Variants in B4GALT7 observed in about 807,000 individuals in gnomAD.
B4GALT7 encodes beta-1,4-galactosyltransferase 7, also known as UDP-Gal:beta-GlcNAc beta-1,4-galactosyltransferase 7.
B4GALT7 carries 30 observed loss-of-function variants against 33.0 expected under a neutral mutation model. The observed-to-expected ratio is 0.91, with a 90% CI of 0.68 to 1.23. The LOEUF is 1.23. B4GALT7 is among the 50% of genes most tolerant of loss of function. The pLI, the probability that B4GALT7 is intolerant of heterozygous loss-of-function variation, is 0.00. For synonymous variants in B4GALT7, 213 were observed against 187.2 expected (o/e 1.14, Z -1.13); for missense variants, 507 against 450.8 (o/e 1.12, Z -1.13).
Position 177,608,947 on chromosome 5 carries a change from CAT to C in B4GALT7, c.762_763del (p.Phe255SerfsTer5), listed in dbSNP as rs1383726308. ...TCGGGAATCACAACTGGGTACAAGACATTTCGCCACCTGCATGACCCAGCCTG... is the reference window on the plus strand; with the variant it reads ...TCGGGAATCACAACTGGGTACAAGACTTCGCCACCTGCATGACCCAGCCTG... On this transcript the variant is annotated frameshift_variant, in exon 5 of 6. Coordinates refer to ENST00000029410, the MANE Select transcript of B4GALT7 (RefSeq NM_007255.3). LOFTEE classifies it high-confidence loss of function. The surrounding 1 kb of genome is among the most constrained non-coding windows in gnomAD (Gnocchi z 4.1). 3.7e-6 allele frequency: 6 copies of C among 1,613,682 alleles called. No individual in the cohort carries two copies. In the East Asian group the frequency reaches 1.3e-4, roughly 36 times the overall value.
intron 1 of B4GALT7, chr5:177,603,950 C>T (rs1767905049): frequency 4.9e-6 from 3 of 607,222 alleles, no homozygotes; most frequent in Non-Finnish European, 8.7e-6. Flanking sequence ...GGGAGTGGTT[C>T]AGAGGGCTTC....
intron 1 of B4GALT7, chr5:177,603,962 C>A: frequency 1.5e-6 from 1 of 646,226 alleles, no homozygotes; most frequent in Non-Finnish European, 2.7e-6. Flanking sequence ...GAGGGCTTCC[C>A]GAGAGCGGGT....
At chr5:177,602,835 G>C (rs1872624) in intron 1 of B4GALT7, 409,711 of 977,488 alleles carry the variant, frequency 0.42, 86,865 homozygotes, top group Non-Finnish European at 0.42. Context: ...GCAAGGAACA[G>C]ATGAGTGAGG....
In B4GALT7 at chr5:177,600,309, C is replaced by G; in HGVS notation, c.50+49C>G. 7.8e-7 allele frequency: 1 copy of G among 1,282,962 alleles called. No individual in the cohort carries two copies. Among genetic ancestry groups the G allele is most frequent in the Non-Finnish European group, 9.9e-7 (1 of 1,009,002 alleles). 79.5% of individuals were successfully genotyped at this position (1,282,962 alleles called of 1,614,324 possible). A position where few individuals can be genotyped will look rare whatever the true frequency, so the allele number is the denominator to read the frequency against. ...GCCCCGTCCTCCCGGGCGCCGCTCC[C>G]TTCTCGGCCGCCGGCGGAATCTGGG... On this transcript the variant is annotated intron_variant, in intron 1 of 5. Transcript: ENST00000029410. The surrounding 1 kb of genome is among the most constrained non-coding windows in gnomAD (Gnocchi z 4.4).
At position 177,608,273 on chromosome 5, in the gene B4GALT7, G is replaced by A. The variant is rs73804374; in HGVS notation, c.640-266G>A. 1,211 of 518,830 alleles carry A rather than the reference G, an allele frequency of 2.3e-3. 11 individuals carry two copies. Among genetic ancestry groups the A allele is most frequent in the African/African-American group, 0.02 (1,018 of 52,064 alleles). The allele number at this position is 518,830 out of a possible 1,614,324, so 32.1% of individuals were successfully genotyped here. ...GTAGGAGCTGGCGCTTCTGCCCATC[G>A]ACAGTTCCCCACAGAGATCCCCTCT... On this transcript the variant is annotated intron_variant, in intron 3 of 5. Transcript: ENST00000029410. This position sits in a 1 kb window ranked among gnomAD's most constrained non-coding sequence, Gnocchi z 4.1.
chr5:177,607,243 T>A, intron 2 of B4GALT7, 59 bp from the exon 3 acceptor site: 1 of 1,487,570 alleles, frequency 6.7e-7, no homozygotes, highest in Non-Finnish European at 9.1e-7. Flanking sequence ...GGGTGGGTGC[T>A]GAGCCCCAGG....
rs2127511795 is a variant in B4GALT7 at position 177,604,551 on chromosome 5, G to C, written c.413+10G>C. The C allele has an allele frequency of 1.2e-6, 2 of 1,613,482 alleles. No homozygotes were observed. Reference sequence around the variant, plus strand: ...AGGTGGACCACTTCAGGTAGCGCCCGCCCCCACCCTCTCCCCTCGGCACCC... The same window carrying C: ...AGGTGGACCACTTCAGGTAGCGCCCCCCCCCACCCTCTCCCCTCGGCACCC... On this transcript the variant is annotated intron_variant, in intron 2 of 5. Coordinates refer to ENST00000029410, the MANE Select transcript of B4GALT7 (RefSeq NM_007255.3).
chr5:177,601,789 G>A lies in B4GALT7; in HGVS notation c.50+1529G>A, dbSNP rs571035698. On this transcript the variant is annotated intron_variant, in intron 1 of 5. Transcript: ENST00000029410. ...TGGGAGCCACTGGGACTGCAAATCT[G>A]GTTTGCCACCTGGTGGCACCAGGAA... Among the ~76,000 whole-genome samples the A allele has an allele frequency of 4.0e-5, 6 of 151,546 alleles. No homozygotes were observed. In the South Asian group the frequency reaches 1.2e-3, roughly 32 times the overall value.
At chr5:177,604,090 G>C in intron 1 of B4GALT7, 89 bp from the exon 2 acceptor site, 3 of 1,577,800 alleles carry the variant, frequency 1.9e-6, no homozygotes, top group Non-Finnish European at 2.6e-6. Context: ...CGAGTTATGT[G>C]CAGCCTCCTC....
In B4GALT7 at chr5:177,604,462, G is replaced by T. The variant is rs1237217428; in HGVS notation, c.334G>T (p.Val112Leu). The change falls in exon 2 of 6, where the codon GTG (valine) becomes TTG (leucine). Residue 112 changes from valine to leucine, a missense_variant. By Grantham distance (32) the Val-to-Leu change is conservative. Transcript: ENST00000029410. ...ACGCTTCGAGGAGCTCCTGGTCTTC[G>T]TGCCCCACATGCGCCGCTTCCTGAG... ...RERFEELLVF[V>L]PHMRRFLSRK... 1 of 1,613,924 alleles carries T rather than the reference G, an allele frequency of 6.2e-7. No individual in the cohort carries two copies. The highest frequency in any genetic ancestry group is 8.5e-7 in the Non-Finnish European group (1 of 1,179,928).
intron 2 of B4GALT7, chr5:177,604,949 C>T (rs1486325455): frequency 8.7e-6 from 4 of 460,292 alleles, no homozygotes; most frequent in Middle Eastern, 3.2e-4. Context: ...CACAGTCTGG[C>T]GTTATCCTAA....
In B4GALT7 at chr5:177,608,447, C is replaced by A; in HGVS notation, c.640-92C>A. ...AGCACCCGGGGCTTATTCAGAGGCG[C>A]TGGGGGAGAGGGGCACTCCCGAGCG... On this transcript the variant is annotated intron_variant, in intron 3 of 5. Transcript: ENST00000029410. The surrounding 1 kb of genome is among the most constrained non-coding windows in gnomAD (Gnocchi z 4.1). 1 of 1,200,036 alleles carries A rather than the reference C, an allele frequency of 8.3e-7. No individual in the cohort carries two copies. Among genetic ancestry groups the A allele is most frequent in the Non-Finnish European group, 1.2e-6 (1 of 810,708 alleles). 74.3% of individuals were successfully genotyped at this position (1,200,036 alleles called of 1,614,324 possible).
rs1208433274 is a variant in B4GALT7 at position 177,608,149 on chromosome 5, G to T, written c.640-390G>T. The T allele has an allele frequency of 3.9e-6, 1 of 256,874 alleles. No individual in the cohort carries two copies. The highest frequency in any genetic ancestry group is 5.1e-5 in the Admixed American group (1 of 19,664). The allele number at this position is 256,874 out of a possible 1,614,324, so 15.9% of individuals were successfully genotyped here. A position where few individuals can be genotyped will look rare whatever the true frequency, so the allele number is the denominator to read the frequency against. On this transcript the variant is annotated intron_variant, in intron 3 of 5. Transcript: ENST00000029410. The surrounding 1 kb of genome is among the most constrained non-coding windows in gnomAD (Gnocchi z 4.1). ...AAGCCCCTGAGCCAGGTGCAAGAAT[G>T]GGTGTCTGTCATGGAACCCTGCTAC...
Position 177,608,247 on chromosome 5 carries a change from A to C in B4GALT7, c.640-292A>C. 2.2e-6 allele frequency: 1 copy of C among 464,158 alleles called. No homozygotes were observed. Among genetic ancestry groups the C allele is most frequent in the Non-Finnish European group, 3.9e-6 (1 of 253,780 alleles). The allele number at this position is 464,158 out of a possible 1,614,324, so 28.8% of individuals were successfully genotyped here. A position where few individuals can be genotyped will look rare whatever the true frequency, so the allele number is the denominator to read the frequency against. On this transcript the variant is annotated intron_variant, in intron 3 of 5. Transcript: ENST00000029410. The surrounding 1 kb of genome is among the most constrained non-coding windows in gnomAD (Gnocchi z 4.1). ...AGGGGAATGGGGGAAGCAGAAATCA[A>C]GTAGGAGCTGGCGCTTCTGCCCATC...
At chr5:177,607,134 G>GGGT (rs761413508) in intron 2 of B4GALT7, 168 bp from the exon 3 acceptor site, 21 of 682,954 alleles carry the variant, frequency 3.1e-5, no homozygotes, top group Non-Finnish European at 5.6e-5. Context: ...GGCACATAGT[G>GGGT]GGTGCTTAGT....
chr5:177,603,963 G>A (rs892551450), intron 1 of B4GALT7: 4 of 648,234 alleles, frequency 6.2e-6, no homozygotes, highest in East Asian at 5.7e-5. Context: ...AGGGCTTCCC[G>A]AGAGCGGGTG....
chr5:177,607,097 G>A lies in B4GALT7; in HGVS notation c.414-205G>A, dbSNP rs1262499711. On this transcript the variant is annotated intron_variant, in intron 2 of 5. Transcript: ENST00000029410. ...GAACAGGGCCTGGTTTTTCACTGCT[G>A]TACCTCCCGTGCTTTGAATGGTTTC... 6 of 639,944 alleles carry A rather than the reference G, an allele frequency of 9.4e-6. No homozygotes were observed. The East Asian group carries it at 1.7e-4, about 18-fold the overall frequency. The allele number at this position is 639,944 out of a possible 1,614,324, so 39.6% of individuals were successfully genotyped here.
intron 2 of B4GALT7, 147 bp downstream of exon 2, chr5:177,604,688 G>T: frequency 1.9e-6 from 2 of 1,067,844 alleles, no homozygotes; most frequent in Non-Finnish European, 1.4e-6. Context: ...TTTGGAGAGG[G>T]CCCTGATCTA....
chr5:177,608,466 C>A lies in B4GALT7; in HGVS notation c.640-73C>A. ...GAGGCGCTGGGGGAGAGGGGCACTC[C>A]CGAGCGGTAGGAGACCAAAGGCCCC... On this transcript the variant is annotated intron_variant, in intron 3 of 5. Transcript: ENST00000029410. The surrounding 1 kb of genome is among the most constrained non-coding windows in gnomAD (Gnocchi z 4.1). The A allele has an allele frequency of 7.1e-7, 1 of 1,408,318 alleles. No homozygotes were observed. Among genetic ancestry groups the A allele is most frequent in the Non-Finnish European group, 1.0e-6 (1 of 996,380 alleles). The allele number at this position is 1,408,318 out of a possible 1,614,324, so 87.2% of individuals were successfully genotyped here. A position where few individuals can be genotyped will look rare whatever the true frequency, so the allele number is the denominator to read the frequency against.
Sources: gnomAD v4.1 joint callset for allele counts (sites outside exome capture counted in the v4.1 genomes callset) on GRCh38, gnomAD v4.1.1 for gene constraint, Gnocchi (gnomAD v3.1) non-coding constraint, MANE v1.5 for transcripts, NCBI Gene and HGNC (gene_info 2026-07-23, HGNC 2026-07-21) for gene names.